Variants in SNX27 observed in about 807,000 individuals in gnomAD.
SNX27 encodes sorting nexin-27.
SNX27 carries 22 observed loss-of-function variants against 71.6 expected under a neutral mutation model. That is an observed-to-expected ratio of 0.31 (90% CI 0.22 to 0.44). The LOEUF (loss-of-function observed/expected upper bound fraction) is 0.44, where lower values mean the gene tolerates loss of function less well. Ranked by LOEUF, SNX27 falls within the 20% of genes least tolerant of loss-of-function variation. The pLI is 1.00. For missense variants in SNX27, 531 were observed against 698.6 expected, an observed-to-expected ratio of 0.76 and a Z score of 2.70; for synonymous variants, 269 against 277.2, an observed-to-expected ratio of 0.97 and a Z score of 0.29.
At chr1:151,686,278 G>A (rs1038596196) in intron 8 of SNX27, among the ~76,000 whole-genome samples, 21 of 152,218 alleles carry the variant, frequency 1.4e-4, no homozygotes, top group Non-Finnish European at 1.8e-4. Flanking sequence ...TACCAAGTAC[G>A]TGCCAGGCAC....
In SNX27 at chr1:151,698,721, G is replaced by A. The variant is rs1671900186; in HGVS notation, c.*4304G>A. The A allele has an allele frequency of 6.6e-6, 1 of 152,590 alleles. No individual in the cohort carries two copies. The highest frequency in any genetic ancestry group is 2.1e-4 in the South Asian group (1 of 4,832). 9.5% of individuals were successfully genotyped at this position (152,590 alleles called of 1,614,324 possible). A position where few individuals can be genotyped will look rare whatever the true frequency, so the allele number is the denominator to read the frequency against. On this transcript the variant is annotated 3_prime_UTR_variant, in exon 12 of 12. Transcript: ENST00000458013. ...GTGGGAAGGTCAGGGCTGTGGTAAG[G>A]AATAGAATCAAAGAGGGGAGTGATA...
rs1269810962 is a variant in SNX27, at chr1:151,683,991, T to C, written c.1239+546T>C. On this transcript the variant is annotated intron_variant, in intron 8 of 11. Coordinates refer to ENST00000458013, the MANE Select transcript of SNX27 (RefSeq NM_001330723.2). ...CCATAATTTTATTATTAATAATAAC[T>C]ATTTTTTGGTTAAAAAGTGCTAAAA... Among the ~76,000 whole-genome samples the C allele has an allele frequency of 2.0e-5, 3 of 152,148 alleles. No individual in the cohort carries two copies. The East Asian group carries it at 5.8e-4, about 29-fold the overall frequency.
chr1:151,669,496 G>A (rs1670364460), intron 7 of SNX27: 1 of 152,070 alleles, frequency 6.6e-6, no homozygotes, highest in African/African-American at 2.4e-5. Flanking sequence ...AAGACATTCA[G>A]TTCAGACCCA....
At chr1:151,650,898 CAG>C (rs1669305374) in intron 2 of SNX27, among the ~76,000 whole-genome samples, 2 of 152,144 alleles carry the variant, frequency 1.3e-5, no homozygotes, top group Admixed American at 1.3e-4. Flanking sequence ...GCACATGTTT[CAG>C]AGAGCACAGG....
chr1:151,630,332 A>G (rs994998916), intron 1 of SNX27, among the ~76,000 whole-genome samples: 1 of 152,144 alleles, frequency 6.6e-6, no homozygotes, highest in Non-Finnish European at 1.5e-5. Flanking sequence ...TTACTTTCTA[A>G]AGGATTTTAC....
At chr1:151,687,118 TCTTC>T (rs1189594508) in intron 8 of SNX27, among the ~76,000 whole-genome samples, 2 of 152,336 alleles carry the variant, frequency 1.3e-5, no homozygotes, top group African/African-American at 2.4e-5. Context: ...TTTTCTCTTC[TCTTC>T]CTTCCTCCCT....
chr1:151,674,688 GTTTC>G (rs887052298), intron 7 of SNX27, among the ~76,000 whole-genome samples: 2 of 150,688 alleles, frequency 1.3e-5, no homozygotes, highest in African/African-American at 4.9e-5. Context: ...GAATTTGATT[GTTTC>G]TTTTTTTTTT....
chr1:151,658,218 T>C lies in SNX27; in HGVS notation c.544-17T>C. The C allele has an allele frequency of 1.3e-6, 2 of 1,585,294 alleles. No homozygotes were observed. Among genetic ancestry groups the C allele is most frequent in the Non-Finnish European group, 1.7e-6 (2 of 1,167,526 alleles). ...TTGTATTAAGTATGCTTTTCTTTTG[T>C]TCTTCTCCTTCACCAGGTATATAAT... On this transcript the variant is annotated splice_polypyrimidine_tract_variant and intron_variant, in intron 2 of 11. Coordinates refer to ENST00000458013, the MANE Select transcript of SNX27 (RefSeq NM_001330723.2).
chr1:151,657,192 G>A (rs1363891929), intron 2 of SNX27, among the ~76,000 whole-genome samples: 1 of 151,934 alleles, frequency 6.6e-6, no homozygotes, highest in African/African-American at 2.4e-5. Context: ...TTGTTTTTTT[G>A]AGACAGTGTG....
rs1259747904 is a variant in SNX27 at position 151,612,188 on chromosome 1, C to A, written c.-14C>A. ...AGGCGTAGGGGGCGGGGGTACGGCT[C>A]GCCTGCTCGCAAGATGGCGGACGAG... On this transcript the variant is annotated 5_prime_UTR_variant, in exon 1 of 12. Transcript: ENST00000458013. The surrounding 1 kb of genome is among the most constrained non-coding windows in gnomAD (Gnocchi z 5.2). 7.5e-7 allele frequency: 1 copy of A among 1,337,152 alleles called. No homozygotes were observed. Among genetic ancestry groups the A allele is most frequent in the Non-Finnish European group, 9.6e-7 (1 of 1,042,336 alleles). The allele number at this position is 1,337,152 out of a possible 1,614,324, so 82.8% of individuals were successfully genotyped here.
At chr1:151,649,894 T>C (rs1032239930) in intron 2 of SNX27, among the ~76,000 whole-genome samples, 2 of 152,024 alleles carry the variant, frequency 1.3e-5, no homozygotes, top group Non-Finnish European at 2.9e-5. Context: ...TATTTTATTA[T>C]TTTATTTTTT....
intron 2 of SNX27, among the ~76,000 whole-genome samples, chr1:151,644,572 T>C (rs907706099): frequency 6.6e-6 from 1 of 152,216 alleles, no homozygotes; most frequent in Non-Finnish European, 1.5e-5. Flanking sequence ...AATGCTGTTA[T>C]GAGCATTTGT....
intron 1 of SNX27, among the ~76,000 whole-genome samples, chr1:151,620,434 A>C (rs767366317): frequency 3.9e-5 from 6 of 152,188 alleles, no homozygotes; most frequent in Non-Finnish European, 7.3e-5. Context: ...GTACTATATA[A>C]AGAAGGGAAC....
rs1667229729 is a variant in SNX27 at position 151,612,598 on chromosome 1, G to T, written c.311+86G>T. On this transcript the variant is annotated intron_variant, in intron 1 of 11. Coordinates refer to ENST00000458013, the MANE Select transcript of SNX27 (RefSeq NM_001330723.2). This position sits in a 1 kb window ranked among gnomAD's most constrained non-coding sequence, Gnocchi z 5.2. Reference sequence around the variant, plus strand: ...TCGCTACCCTTGTCACCCCCAGGCCGCACCTCCCCCGAGCTCCGAGCCGGC... The same window carrying T: ...TCGCTACCCTTGTCACCCCCAGGCCTCACCTCCCCCGAGCTCCGAGCCGGC... The T allele has an allele frequency of 4.9e-6, 5 of 1,026,712 alleles. No individual in the cohort carries two copies. The highest frequency in any genetic ancestry group is 6.2e-6 in the Non-Finnish European group (5 of 809,666). The allele number at this position is 1,026,712 out of a possible 1,614,324, so 63.6% of individuals were successfully genotyped here.
chr1:151,641,622 T>C (rs927479204), intron 2 of SNX27, among the ~76,000 whole-genome samples: 4 of 124,776 alleles, frequency 3.2e-5, no homozygotes, highest in Non-Finnish European at 6.6e-5. Context: ...TATATATATA[T>C]ATATATATCA....
chr1:151,633,329 C>T (rs1168942757), intron 1 of SNX27, among the ~76,000 whole-genome samples: 2 of 152,074 alleles, frequency 1.3e-5, no homozygotes, highest in Non-Finnish European at 2.9e-5. Flanking sequence ...CACAGAGTCT[C>T]ACTTTGTCAC....
Position 151,639,125 on chromosome 1 carries a change from T to TA in SNX27, c.543+6_543+7insA, listed in dbSNP as rs778540185. The TA allele has an allele frequency of 4.1e-5, 66 of 1,609,068 alleles. No individual in the cohort carries two copies. The highest frequency in any genetic ancestry group is 5.4e-5 in the Non-Finnish European group (64 of 1,175,954). On this transcript the variant is annotated splice_region_variant and intron_variant, in intron 2 of 11. Transcript: ENST00000458013. ...AGAATGGTGAGAAGTTTGTGGTGAG[T>TA]GTCAGCCCAACTCGATCCTCGAACA...
Position 151,638,972 on chromosome 1 carries a change from G to C in SNX27, c.396G>C (p.Val132=), listed in dbSNP as rs756186623. Residue 132 remains valine, a synonymous_variant, in exon 2 of 12, where the codon GTG becomes GTC. Coordinates refer to ENST00000458013, the MANE Select transcript of SNX27 (RefSeq NM_001330723.2). ...GCGAGAAGGAATTGATCTTGACAGT[G>C]TTATCTGTACCTCCTCATGAGGCAG... is the stretch of plus-strand genomic sequence containing the variant. The part of the protein sequence containing the change: ...RAGEKELILT[V]LSVPPHEADN... The C allele has an allele frequency of 2.2e-5, 35 of 1,614,140 alleles. No homozygotes were observed. The South Asian group carries it at 3.7e-4, about 17-fold the overall frequency.
intron 2 of SNX27, among the ~76,000 whole-genome samples, chr1:151,653,688 T>C (rs1308743882): frequency 6.6e-6 from 1 of 152,040 alleles, no homozygotes; most frequent in Non-Finnish European, 1.5e-5. Flanking sequence ...TGGCTAATTT[T>C]TTTTTTACTT....
Sources: allele counts gnomAD v4.1 joint callset (sites outside exome capture counted in the v4.1 genomes callset), GRCh38; gene constraint gnomAD v4.1.1; non-coding constraint Gnocchi (gnomAD v3.1); transcripts MANE v1.5; gene names NCBI Gene and HGNC (gene_info 2026-07-23, HGNC 2026-07-21).